The following ZNF469 variants were observed in gnomAD, a reference collection of about 807,000 sequenced individuals.
The protein encoded by ZNF469 is zinc finger protein 469.
A neutral mutation model predicts 1.0 loss-of-function variants in ZNF469; 1 was observed. The ratio of observed to expected loss-of-function variants is 1.00; its 90% CI spans 0.35 to 4.73. The LOEUF is 4.73. ZNF469 is among the 30% of genes most tolerant of loss of function. ZNF469 has a pLI of 0.16. For missense variants in ZNF469, 6,100 were observed against 5,356.3 expected (o/e 1.14, Z -4.33); for synonymous variants, 2,703 against 2,363.4 (o/e 1.14, Z -4.17).
chr16:88,236,403 A>G, the ZNF469 span, among the ~76,000 whole-genome samples: 1 of 152,264 alleles, frequency 6.6e-6, no homozygotes, highest in Admixed American at 6.5e-5. Flanking sequence ...TTAAAGTCTC[A>G]GTTTTAATGT....
At chr16:88,224,182 C>T in the ZNF469 span, among the ~76,000 whole-genome samples, 1 of 152,214 alleles carries the variant, frequency 6.6e-6, no homozygotes, top group Non-Finnish European at 1.5e-5. Context: ...AAGAAGGAAA[C>T]ATTCCTTCCT....
the ZNF469 span, among the ~76,000 whole-genome samples, chr16:88,276,777 G>A: frequency 6.6e-6 from 1 of 152,292 alleles, no homozygotes; most frequent in South Asian, 2.1e-4. Flanking sequence ...ACCCTACGCT[G>A]ACACTAGGTC....
the ZNF469 span, among the ~76,000 whole-genome samples, chr16:88,338,057 T>C: frequency 6.6e-6 from 1 of 152,364 alleles, no homozygotes; most frequent in South Asian, 2.1e-4. Context: ...AAAAGTGCTG[T>C]CACTTGGCCA....
chr16:88,218,401 A>G, the ZNF469 span, among the ~76,000 whole-genome samples: 2 of 149,356 alleles, frequency 1.3e-5, no homozygotes, highest in East Asian at 2.0e-4. Context: ...TTGCCTGTTC[A>G]CTCTGATGGT....
chr16:88,169,856 A>C, the ZNF469 span, among the ~76,000 whole-genome samples: 1 of 151,680 alleles, frequency 6.6e-6, no homozygotes. The surrounding 1 kb of genome is among the most constrained non-coding windows in gnomAD (Gnocchi z 6.1). Flanking sequence ...CCTCTGGCAC[A>C]CGTGGGCCCA....
chr16:88,324,490 C>T, the ZNF469 span, among the ~76,000 whole-genome samples: 1 of 152,194 alleles, frequency 6.6e-6, no homozygotes, highest in African/African-American at 2.4e-5. Flanking sequence ...AGTCCCAGAA[C>T]CAGGGCTCAG....
At chr16:88,365,728 G>A in the ZNF469 span, among the ~76,000 whole-genome samples, 27 of 152,328 alleles carry the variant, frequency 1.8e-4, no homozygotes, top group Middle Eastern at 3.4e-3. Context: ...AGGGCTGAGT[G>A]TGGTTGCAGG....
At chr16:88,423,231 G>GTGGA (rs1329377101) in intron 1 of ZNF469, among the ~76,000 whole-genome samples, 24 of 142,514 alleles carry the variant, frequency 1.7e-4, no homozygotes, top group African/African-American at 5.2e-4. Context: ...GGATAGGTGG[G>GTGGA]TGGATGGATG....
the ZNF469 span, among the ~76,000 whole-genome samples, chr16:88,298,889 T>G: frequency 6.6e-6 from 1 of 152,208 alleles, no homozygotes; most frequent in East Asian, 1.9e-4. Context: ...TGAGGGGTGA[T>G]CCCTCTTCTG....
chr16:88,360,354 G>A, the ZNF469 span, among the ~76,000 whole-genome samples: 15 of 152,158 alleles, frequency 9.9e-5, no homozygotes, highest in Admixed American at 3.3e-4. Context: ...TACATGCAAC[G>A]AAATGTACAA....
chr16:88,130,699 T>C, the ZNF469 span, among the ~76,000 whole-genome samples: 37 of 99,142 alleles, frequency 3.7e-4, no homozygotes, highest in African/African-American at 1.5e-3. Flanking sequence ...AGAGTGAAAC[T>C]CTGTGTCAAA....
chr16:88,204,670 A>G, the ZNF469 span, among the ~76,000 whole-genome samples: 63,794 of 152,110 alleles, frequency 0.42, 15,123 homozygotes, highest in South Asian at 0.55. Flanking sequence ...GGCACAAGGC[A>G]CCCACACAGC....
In ZNF469 at chr16:88,384,002, G is replaced by A. The variant is rs563593901; in HGVS notation, c.-192+748G>A. ...CACCCAGTCCTTGTCCCTGCACCCT[G>A]GGCCGAGGGCAGAGGGACAGGTCCC... On this transcript the variant is annotated intron_variant, in intron 1 of 2. Coordinates refer to ENST00000565624, the MANE Select transcript of ZNF469 (RefSeq NM_001367624.2). Among the ~76,000 whole-genome samples, 14 of 152,302 alleles carry A rather than the reference G, an allele frequency of 9.2e-5. 1 individual carries two copies. The highest frequency in any genetic ancestry group is 3.4e-4 in the African/African-American group (14 of 41,572).
At chr16:88,370,587 G>T in the ZNF469 span, among the ~76,000 whole-genome samples, 7 of 152,138 alleles carry the variant, frequency 4.6e-5, no homozygotes, top group African/African-American at 1.7e-4. Context: ...GGGCTGCTGC[G>T]TGCCTCACGT....
At chr16:88,126,092 G>A in the ZNF469 span, among the ~76,000 whole-genome samples, 20 of 148,072 alleles carry the variant, frequency 1.4e-4, no homozygotes, top group South Asian at 3.6e-3. Context: ...AAGAGGCTGA[G>A]ACAGGAGAAT....
chr16:88,435,041 A>G lies in ZNF469; in HGVS notation c.7571A>G (p.Gln2524Arg), dbSNP rs1906472169. 1 of 1,550,398 alleles carries G rather than the reference A, an allele frequency of 6.4e-7. No homozygotes were observed. Among genetic ancestry groups the G allele is most frequent in the Non-Finnish European group, 8.7e-7 (1 of 1,146,990 alleles). ...QPLEPLAQKC[Q>R]PPRKKSHRVS... ...CTAGAGCCCCTAGCCCAAAAGTGCCAGCCGCCCAGGAAGAAAAGCCACAGG... is the reference window on the plus strand; with the variant it reads ...CTAGAGCCCCTAGCCCAAAAGTGCCGGCCGCCCAGGAAGAAAAGCCACAGG... The change falls in exon 3 of 3, where the codon CAG (glutamine) becomes CGG (arginine). Residue 2524 changes from glutamine to arginine, a missense_variant. Coordinates refer to ENST00000565624, the MANE Select transcript of ZNF469 (RefSeq NM_001367624.2).
upstream of ZNF469, among the ~76,000 whole-genome samples, chr16:88,381,932 A>C (rs1163390131): frequency 6.6e-6 from 1 of 152,274 alleles, no homozygotes; most frequent in African/African-American, 2.4e-5. Flanking sequence ...CTTGCTTTAC[A>C]TAATAAAGGT....
the ZNF469 span, among the ~76,000 whole-genome samples, chr16:88,241,959 C>T: frequency 1.6e-4 from 25 of 152,288 alleles, no homozygotes; most frequent in East Asian, 3.9e-4. The surrounding 1 kb of genome is among the most constrained non-coding windows in gnomAD (Gnocchi z 4.8). Context: ...CGCTGTTTCC[C>T]GCTGCTGTGC....
chr16:88,244,065 A>C, the ZNF469 span, among the ~76,000 whole-genome samples: 3 of 142,462 alleles, frequency 2.1e-5, no homozygotes, highest in Non-Finnish European at 4.6e-5. Context: ...GAGTGCATGG[A>C]TGGATGAATG....
Sources: gnomAD v4.1 joint callset for allele counts (sites outside exome capture counted in the v4.1 genomes callset) on GRCh38, gnomAD v4.1.1 for gene constraint, Gnocchi (gnomAD v3.1) non-coding constraint, MANE v1.5 for transcripts, NCBI Gene and HGNC (gene_info 2026-07-23, HGNC 2026-07-21) for gene names.